The following MACC1 variants were observed in gnomAD, a reference collection of about 807,000 sequenced individuals.
MACC1 encodes metastasis-associated in colon cancer protein 1.
Under a neutral mutation model 70.7 loss-of-function variants are expected in MACC1, and 79 were observed. The ratio of observed to expected loss-of-function variants is 1.12; its 90% CI spans 0.93 to 1.35. The LOEUF (loss-of-function observed/expected upper bound fraction) is 1.35. Among genes scored for constraint, MACC1 ranks in the 40% most tolerant of loss-of-function variants. MACC1 has a pLI of 0.00. For synonymous variants in MACC1, 361 were observed against 347.2 expected (o/e 1.04, Z -0.44); for missense variants, 1,106 against 978.1 (o/e 1.13, Z -1.74).
At chr7:20,161,671 G>T in intron 4 of MACC1, 77 bp downstream of exon 4, 1 of 817,454 alleles carries the variant, frequency 1.2e-6, no homozygotes. Context: ...ATTTTCAGAG[G>T]TAGACCTTCA....
At chr7:20,182,475 T>C (rs1782525007) in intron 1 of MACC1, among the ~76,000 whole-genome samples, 1 of 152,216 alleles carries the variant, frequency 6.6e-6, no homozygotes, top group Non-Finnish European at 1.5e-5. Context: ...CTATTTGCTG[T>C]TCTTAGTGTA....
rs541542972 is a variant in MACC1 at position 20,138,085 on chromosome 7, G to A, written c.*2861C>T. The stretch of plus-strand genomic sequence containing the variant: ...GAAGGATCTTTTGAACCCAGGAGGT[G>A]GAGGTTGCAGTGAGTCAAGATTGAA... On this transcript the variant is annotated 3_prime_UTR_variant, in exon 7 of 7. Coordinates refer to ENST00000400331, the MANE Select transcript of MACC1 (RefSeq NM_182762.4). 2 of 147,942 alleles carry A rather than the reference G, an allele frequency of 1.4e-5. No homozygotes were observed. The highest frequency in any genetic ancestry group is 5.0e-5 in the African/African-American group (2 of 39,992). 9.2% of individuals were successfully genotyped at this position (147,942 alleles called of 1,614,324 possible). A position where few individuals can be genotyped will look rare whatever the true frequency, so the allele number is the denominator to read the frequency against.
intron 1 of MACC1, among the ~76,000 whole-genome samples, chr7:20,195,146 A>G (rs1053942577): frequency 1.3e-5 from 2 of 152,178 alleles, no homozygotes; most frequent in African/African-American, 4.8e-5. Flanking sequence ...CTTGATTATC[A>G]GGGAAACTTG....
In MACC1 at chr7:20,179,680, TTTTTTTG is replaced by T. The variant is rs769135305; in HGVS notation, c.-217-8909_-217-8903del. The stretch of plus-strand genomic sequence containing the variant: ...CACAGAAGCCAGCAGGAGTTGTTGT[TTTTTTTG>T]TTTTTTGTTTTTTGTTTTCAAAAGG... On this transcript the variant is annotated intron_variant, in intron 1 of 6. Coordinates refer to ENST00000400331, the MANE Select transcript of MACC1 (RefSeq NM_182762.4). Among the ~76,000 whole-genome samples, 12 of 151,926 alleles carry T rather than the reference TTTTTTTG, an allele frequency of 7.9e-5. No homozygotes were observed. The East Asian group carries it at 1.4e-3, about 17-fold the overall frequency.
intron 6 of MACC1, among the ~76,000 whole-genome samples, chr7:20,144,077 C>G (rs946757765): frequency 6.6e-6 from 1 of 152,106 alleles, no homozygotes; most frequent in African/African-American, 2.4e-5. Flanking sequence ...ATTGGTAGCT[C>G]TCAACAAAGA....
chr7:20,183,513 G>A (rs1017134461), intron 1 of MACC1, among the ~76,000 whole-genome samples: 1 of 152,148 alleles, frequency 6.6e-6, no homozygotes, highest in Non-Finnish European at 1.5e-5. Context: ...TGAACTAATG[G>A]ATGGTTATTG....
chr7:20,186,032 T>C lies in MACC1; in HGVS notation c.-217-15254A>G, dbSNP rs1222330572. ...TGGCGAATGTCCTTGGACCCTAATG[T>C]AGAAAGCCTTGAGTAGGCTCTTCTG... is the stretch of plus-strand genomic sequence containing the variant. On this transcript the variant is annotated intron_variant, in intron 1 of 6. Coordinates refer to ENST00000400331, the MANE Select transcript of MACC1 (RefSeq NM_182762.4). Among the ~76,000 whole-genome samples, 4 of 126,822 alleles carry C rather than the reference T, an allele frequency of 3.2e-5. No homozygotes were observed. In the South Asian group the frequency reaches 8.1e-4, roughly 26 times the overall value. 83.2% of individuals were successfully genotyped at this position (126,822 alleles called of 152,430 possible). A position where few individuals can be genotyped will look rare whatever the true frequency, so the allele number is the denominator to read the frequency against.
chr7:20,137,961 T>C lies in MACC1; in HGVS notation c.*2985A>G, dbSNP rs1781739682. 1 of 152,040 alleles carries C rather than the reference T, an allele frequency of 6.6e-6. No homozygotes were observed. The highest frequency in any genetic ancestry group is 6.6e-5 in the Admixed American group (1 of 15,258). The allele number at this position is 152,040 out of a possible 1,614,324, so 9.4% of individuals were successfully genotyped here. A position where few individuals can be genotyped will look rare whatever the true frequency, so the allele number is the denominator to read the frequency against. On this transcript the variant is annotated 3_prime_UTR_variant, in exon 7 of 7. Coordinates refer to ENST00000400331, the MANE Select transcript of MACC1 (RefSeq NM_182762.4). ...TGAGGTCAGGAGTTCCAGACCAGTC[T>C]GGCCAAAATGGTAAAACCTTGTCTC...
chr7:20,181,495 A>G (rs1425061315), intron 1 of MACC1, among the ~76,000 whole-genome samples: 1 of 152,152 alleles, frequency 6.6e-6, no homozygotes, highest in Non-Finnish European at 1.5e-5. Flanking sequence ...TTGATAATAT[A>G]TTCATGCAAT....
chr7:20,171,490 G>C (rs1782306388), intron 1 of MACC1, among the ~76,000 whole-genome samples: 1 of 151,748 alleles, frequency 6.6e-6, no homozygotes, highest in African/African-American at 2.4e-5. Flanking sequence ...TCCTGACCTT[G>C]TGATCCGCCT....
Position 20,138,227 on chromosome 7 carries a change from G to A in MACC1, c.*2719C>T, listed in dbSNP as rs1322765707. The A allele has an allele frequency of 6.7e-6, 1 of 148,656 alleles. No individual in the cohort carries two copies. The highest frequency in any genetic ancestry group is 1.5e-5 in the Non-Finnish European group (1 of 67,506). The allele number at this position is 148,656 out of a possible 1,614,324, so 9.2% of individuals were successfully genotyped here. On this transcript the variant is annotated 3_prime_UTR_variant, in exon 7 of 7. Transcript: ENST00000400331. ...TTACAAGATTATAAAATATATTTGT[G>A]TGTATTAATATTAGAACCATTGTTT...
At chr7:20,157,127 C>T (rs1057093362) in intron 5 of MACC1, among the ~76,000 whole-genome samples, 3 of 152,094 alleles carry the variant, frequency 2.0e-5, no homozygotes, top group East Asian at 3.9e-4. Context: ...TTGGTTTCTT[C>T]GACCTATAAG....
intron 5 of MACC1, among the ~76,000 whole-genome samples, chr7:20,156,154 C>T (rs925625478): frequency 3.3e-5 from 5 of 152,212 alleles, no homozygotes; most frequent in South Asian, 2.1e-4. Context: ...CTTATCGGGT[C>T]GCTCCCTGCC....
In MACC1 at chr7:20,140,976, T is replaced by C. The variant is rs771192239; in HGVS notation, c.2529A>G (p.Val843=). ...ILVNSLEVLR[V]TAFSTSEEV is the part of the protein sequence containing the mutation. ...CTTCCTCAGAAGTGGAGAATGCAGTTACTCTCAAAACCTCCAAAGAATTTA... is the reference window on the plus strand; with the variant it reads ...CTTCCTCAGAAGTGGAGAATGCAGTCACTCTCAAAACCTCCAAAGAATTTA... The change falls in exon 7 of 7, where the codon GTA becomes GTG. Residue 843 remains valine (V), a synonymous_variant. Transcript: ENST00000400331. 3 of 1,613,600 alleles carry C rather than the reference T, an allele frequency of 1.9e-6. No homozygotes were observed. In the South Asian group the frequency reaches 3.3e-5, roughly 18 times the overall value.
chr7:20,162,847 G>A (rs978564974), intron 3 of MACC1, among the ~76,000 whole-genome samples: 5 of 152,134 alleles, frequency 3.3e-5, no homozygotes, highest in South Asian at 2.1e-4. Flanking sequence ...TCTAGAGATC[G>A]TCTTTATGTT....
At chr7:20,200,522 C>T (rs1008972798) in intron 1 of MACC1, among the ~76,000 whole-genome samples, 2 of 152,134 alleles carry the variant, frequency 1.3e-5, no homozygotes, top group Non-Finnish European at 2.9e-5. Context: ...GGCAAGAGTG[C>T]GTAGGTTAAT....
chr7:20,156,876 A>G (rs1583386499), intron 5 of MACC1, among the ~76,000 whole-genome samples: 1 of 152,252 alleles, frequency 6.6e-6, no homozygotes, highest in Non-Finnish European at 1.5e-5. Context: ...CTTTGCATGA[A>G]CCTGCCTATA....
At chr7:20,202,409 C>T (rs17142570) in intron 1 of MACC1, among the ~76,000 whole-genome samples, 1,834 of 152,182 alleles carry the variant, frequency 0.012, 35 homozygotes, top group African/African-American at 0.041. Flanking sequence ...TGTATTTGGA[C>T]GTAGAGCAAA....
chr7:20,184,839 G>C (rs1368022580), intron 1 of MACC1: 2 of 152,014 alleles, frequency 1.3e-5, no homozygotes, highest in Non-Finnish European at 2.9e-5. Flanking sequence ...TTATTCAAAA[G>C]GAAACTGGAA....
Sources: gnomAD v4.1 joint callset for allele counts (sites outside exome capture counted in the v4.1 genomes callset) on GRCh38, gnomAD v4.1.1 for gene constraint, MANE v1.5 for transcripts, NCBI Gene and HGNC (gene_info 2026-07-23, HGNC 2026-07-21) for gene names.